The following OTUB1 variants were observed in gnomAD, a reference collection of about 807,000 sequenced individuals.
The protein encoded by OTUB1 is OTU deubiquitinase, ubiquitin aldehyde binding 1.
OTUB1 carries 10 observed loss-of-function variants against 35.8 expected under a neutral mutation model. The observed-to-expected ratio is 0.28, with a 90% CI of 0.17 to 0.47. OTUB1 has a LOEUF of 0.47. Ranked by LOEUF, OTUB1 falls within the 20% of genes least tolerant of loss-of-function variation. The pLI, the probability that OTUB1 is intolerant of heterozygous loss-of-function variation, is 0.99. For synonymous variants in OTUB1, 158 were observed against 143.8 expected (o/e 1.10, Z -0.71); for missense variants, 264 against 351.6 (o/e 0.75, Z 1.99).
intron 3 of OTUB1, among the ~76,000 whole-genome samples, chr11:63,993,904 A>T (rs1186374642): frequency 1.3e-5 from 2 of 152,102 alleles, no homozygotes; most frequent in Non-Finnish European, 2.9e-5. Context: ...TGGCAGGCAG[A>T]TCACATGAGC....
chr11:63,998,134 G>A lies in OTUB1; in HGVS notation c.*588G>A. 10 of 307,044 alleles carry A rather than the reference G, an allele frequency of 3.3e-5. No individual in the cohort carries two copies. The highest frequency in any genetic ancestry group is 1.4e-4 in the South Asian group (4 of 27,740). 19.0% of individuals were successfully genotyped at this position (307,044 alleles called of 1,614,324 possible). ...AGCTGGGCCTCCCACAGGGTGCCCG[G>A]GCAGTGCCATCCTGGTGGGGGAGGG... On this transcript the variant is annotated 3_prime_UTR_variant, in exon 7 of 7. Transcript: ENST00000538426.
intron 1 of OTUB1, chr11:63,986,778 G>C (rs994696970): frequency 4.4e-6 from 2 of 449,786 alleles, no homozygotes; most frequent in East Asian, 7.3e-5. Flanking sequence ...GGCCTGGGTC[G>C]CTCCGCCCTC....
chr11:63,993,192 C>T (rs1303362249), intron 3 of OTUB1, among the ~76,000 whole-genome samples: 2 of 152,132 alleles, frequency 1.3e-5, no homozygotes, highest in Non-Finnish European at 2.9e-5. Flanking sequence ...GCTTTGGGTG[C>T]TGTGGGTGAC....
rs758973863 is a variant in OTUB1, at chr11:63,997,562, G to GCTGCTGCC, written c.*26_*33dup. On this transcript the variant is annotated 3_prime_UTR_variant, in exon 7 of 7. Transcript: ENST00000538426. ...CTACAAATAGGGCTGGCTCCAGCCC[G>GCTGCTGCC]CTGCTGCCCTGCTGCCCCCCTCTGC... 2.5e-6 allele frequency: 4 copies of GCTGCTGCC among 1,602,882 alleles called. No individual in the cohort carries two copies. Among genetic ancestry groups the GCTGCTGCC allele is most frequent in the African/African-American group, 1.3e-5 (1 of 74,758 alleles).
chr11:63,992,124 G>C (rs1274260969), intron 3 of OTUB1, among the ~76,000 whole-genome samples: 1 of 152,094 alleles, frequency 6.6e-6, no homozygotes, highest in Middle Eastern at 3.4e-3. Flanking sequence ...TGAGGCAGCA[G>C]AATCTCTTGA....
chr11:63,993,878 G>A (rs1178882663), intron 3 of OTUB1, among the ~76,000 whole-genome samples: 1 of 152,092 alleles, frequency 6.6e-6, no homozygotes, highest in Admixed American at 6.6e-5. Flanking sequence ...GCCGGGTGCG[G>A]CACTTTGGGA....
intron 3 of OTUB1, chr11:63,989,905 T>C (rs1942655243): frequency 1.3e-5 from 2 of 151,450 alleles, no homozygotes; most frequent in Non-Finnish European, 2.9e-5. Flanking sequence ...TCCCAGCTAC[T>C]CGGAGAGGCT....
intron 3 of OTUB1, among the ~76,000 whole-genome samples, chr11:63,994,131 AG>A (rs1298002337): frequency 2.0e-5 from 3 of 152,050 alleles, no homozygotes; most frequent in Admixed American, 6.6e-5. Context: ...GTCTCAGAAA[AG>A]AAAAAAAAAA....
At chr11:63,997,007 T>C in intron 5 of OTUB1, 43 bp from the exon 6 acceptor site, 1 of 1,610,780 alleles carries the variant, frequency 6.2e-7, no homozygotes, top group Non-Finnish European at 8.5e-7. Flanking sequence ...GGACCACCCA[T>C]CTCCTCCCCG....
chr11:63,998,068 G>A lies in OTUB1; in HGVS notation c.*522G>A. 2 of 428,114 alleles carry A rather than the reference G, an allele frequency of 4.7e-6. No homozygotes were observed. The highest frequency in any genetic ancestry group is 8.5e-6 in the Non-Finnish European group (2 of 234,790). The allele number at this position is 428,114 out of a possible 1,614,324, so 26.5% of individuals were successfully genotyped here. The stretch of plus-strand genomic sequence containing the variant: ...GCATGGTTGGGAGTCCTGGGTGGAG[G>A]GGCCTTTGTGAGGCTGGACCCGGCT... On this transcript the variant is annotated 3_prime_UTR_variant, in exon 7 of 7. Coordinates refer to ENST00000538426, the MANE Select transcript of OTUB1 (RefSeq NM_017670.3).
In OTUB1 at chr11:63,988,252, T is replaced by C. The variant is rs1476199734; in HGVS notation, c.59-85T>C. 5.5e-6 allele frequency: 6 copies of C among 1,085,726 alleles called. No homozygotes were observed. The Admixed American group carries it at 1.2e-4, about 22-fold the overall frequency. 67.3% of individuals were successfully genotyped at this position (1,085,726 alleles called of 1,614,324 possible). A position where few individuals can be genotyped will look rare whatever the true frequency, so the allele number is the denominator to read the frequency against. On this transcript the variant is annotated intron_variant, in intron 1 of 6. Coordinates refer to ENST00000538426, the MANE Select transcript of OTUB1 (RefSeq NM_017670.3). Reference sequence around the variant, plus strand: ...GATTCTAAGCCTGTCTTCCTGACCCTGGGCTGCTCTTGTCCCTGGCCCAGC... The same window carrying C: ...GATTCTAAGCCTGTCTTCCTGACCCCGGGCTGCTCTTGTCCCTGGCCCAGC...
In OTUB1 at chr11:63,996,588, A is replaced by C; in HGVS notation, c.278A>C (p.Tyr93Ser). Residue 93 changes from tyrosine to serine, a missense_variant, in exon 4 of 7, where the codon TAT becomes TCT. Transcript: ENST00000538426. The stretch of plus-strand genomic sequence containing the variant: ...ACCAGGCCTGACGGCAACTGTTTCT[A>C]TCGGGCTTTCGGATTCTCCCACTTG... ...RKTRPDGNCF[Y>S]RAFGFSHLEA... 6.2e-7 allele frequency: 1 copy of C among 1,614,208 alleles called. No homozygotes were observed.
chr11:63,988,639 C>T lies in OTUB1; in HGVS notation c.121-15C>T. The T allele has an allele frequency of 1.3e-6, 2 of 1,590,552 alleles. No homozygotes were observed. The highest frequency in any genetic ancestry group is 1.7e-6 in the Non-Finnish European group (2 of 1,158,864). ...ATCTCCCTGCTAGGACATGACAGAT[C>T]CCTGCCTCCTCCAGATTGCTGTGCA... On this transcript the variant is annotated splice_polypyrimidine_tract_variant and intron_variant, in intron 2 of 6. Transcript: ENST00000538426.
chr11:63,991,449 T>G (rs985764717), intron 3 of OTUB1, among the ~76,000 whole-genome samples: 1 of 152,160 alleles, frequency 6.6e-6, no homozygotes, highest in African/African-American at 2.4e-5. Flanking sequence ...CATCAAACAT[T>G]TGGATGTCCA....
At chr11:63,994,643 A>C (rs541066042) in intron 3 of OTUB1, among the ~76,000 whole-genome samples, 98 of 152,330 alleles carry the variant, frequency 6.4e-4, no homozygotes, top group African/African-American at 2.2e-3. Flanking sequence ...TAGAGAGATG[A>C]GGAGTGGCCT....
chr11:63,988,426 C>CA, intron 2 of OTUB1, 28 bp downstream of exon 2: 1 of 1,545,788 alleles, frequency 6.5e-7, no homozygotes, highest in Non-Finnish European at 8.8e-7. Flanking sequence ...GCGAGGGAGG[C>CA]AGTGGCCAGC....
chr11:63,986,751 G>T (rs1270122031), intron 1 of OTUB1: 5 of 509,008 alleles, frequency 9.8e-6, no homozygotes, highest in African/African-American at 2.0e-5. Context: ...CTTCTCCATC[G>T]TGTGCGCCCG....
rs530719069 is a variant in OTUB1, at chr11:63,988,130, C to T, written c.59-207C>T. On this transcript the variant is annotated intron_variant, in intron 1 of 6. Transcript: ENST00000538426. ...TCTGTACTAAAAATACAAAAATTAG[C>T]TGGGAGTGGTGGTGCACGCATGTAG... 4.6e-5 allele frequency among the ~76,000 whole-genome samples: 7 copies of T among 152,250 alleles called. No individual in the cohort carries two copies. The East Asian group carries it at 1.4e-3, about 29-fold the overall frequency.
chr11:63,988,726 GACA>G lies in OTUB1; in HGVS notation c.197_199del (p.Asn66del). On this transcript the variant is annotated inframe_deletion, in exon 3 of 7. Transcript: ENST00000538426. Reference sequence around the variant, plus strand: ...CCTATACAAGGAGTATGCTGAAGATGACAACATCTATCAACAGAAGATCAAGGT... The same window carrying G: ...CCTATACAAGGAGTATGCTGAAGATGACATCTATCAACAGAAGATCAAGGT... The G allele has an allele frequency of 2.5e-6, 4 of 1,612,588 alleles. No homozygotes were observed. Among genetic ancestry groups the G allele is most frequent in the Non-Finnish European group, 3.4e-6 (4 of 1,179,160 alleles).
Sources: allele counts gnomAD v4.1 joint callset (sites outside exome capture counted in the v4.1 genomes callset), GRCh38; gene constraint gnomAD v4.1.1; transcripts MANE v1.5; gene names NCBI Gene and HGNC (gene_info 2026-07-23, HGNC 2026-07-21).